Variants in SLC38A4 observed in about 807,000 individuals in gnomAD.
SLC38A4 encodes the protein solute carrier family 38 member 4.
A neutral mutation model predicts 63.1 loss-of-function variants in SLC38A4; 20 were observed. The ratio of observed to expected loss-of-function variants is 0.32; its 90% CI spans 0.22 to 0.46. SLC38A4 has a LOEUF of 0.46. Ranked by LOEUF, SLC38A4 falls within the 20% of genes least tolerant of loss-of-function variation. The pLI is 1.00. For missense variants in SLC38A4, 526 were observed against 663.6 expected (o/e 0.79, Z 2.28); for synonymous variants, 230 against 225.5 (o/e 1.02, Z -0.18).
intron 3 of SLC38A4, among the ~76,000 whole-genome samples, chr12:46,792,354 T>A (rs944687819): frequency 6.6e-6 from 1 of 152,080 alleles, no homozygotes; most frequent in Non-Finnish European, 1.5e-5. Context: ...TGCTACATGA[T>A]AGCAGTGATT....
chr12:46,795,049 C>G (rs1398188585), intron 2 of SLC38A4, among the ~76,000 whole-genome samples: 1 of 151,784 alleles, frequency 6.6e-6, no homozygotes, highest in Non-Finnish European at 1.5e-5. Context: ...TCACACAGTA[C>G]CAGTCTCACT....
chr12:46,824,094 A>G (rs2120929776), intron 1 of SLC38A4, among the ~76,000 whole-genome samples: 1 of 152,096 alleles, frequency 6.6e-6, no homozygotes, highest in Non-Finnish European at 1.5e-5. Flanking sequence ...CCCAATAGCT[A>G]CTCACTGTCA....
chr12:46,789,304 C>A (rs563621193), intron 3 of SLC38A4, among the ~76,000 whole-genome samples: 6 of 151,396 alleles, frequency 4.0e-5, no homozygotes, highest in African/African-American at 1.5e-4. Flanking sequence ...TCTGTGTGTG[C>A]GTATGTGTTT....
chr12:46,813,557 C>G (rs1939380444), intron 1 of SLC38A4, among the ~76,000 whole-genome samples: 1 of 152,010 alleles, frequency 6.6e-6, no homozygotes, highest in African/African-American at 2.4e-5. Flanking sequence ...GTCTGTGCCT[C>G]TTGCAAGCCT....
chr12:46,806,497 G>A (rs1440982873), intron 1 of SLC38A4, among the ~76,000 whole-genome samples: 1 of 151,954 alleles, frequency 6.6e-6, no homozygotes, highest in African/African-American at 2.4e-5. Flanking sequence ...TTTGGGTTTG[G>A]TGATGTTTGC....
upstream of SLC38A4, among the ~76,000 whole-genome samples, chr12:46,830,296 T>TCACA (rs1383380116): frequency 5.7e-4 from 68 of 119,014 alleles, no homozygotes; most frequent in South Asian, 9.7e-4. Context: ...TCTCTCTCTC[T>TCACA]CTCACACACA....
intron 1 of SLC38A4, among the ~76,000 whole-genome samples, chr12:46,815,586 TG>T (rs1414529719): frequency 6.6e-6 from 1 of 151,804 alleles, no homozygotes; most frequent in Non-Finnish European, 1.5e-5. Context: ...TGTTGTTGGC[TG>T]TATATTTTTA....
chr12:46,769,293 C>G lies in SLC38A4; in HGVS notation c.1435G>C (p.Gly479Arg). 6.2e-7 allele frequency: 1 copy of G among 1,612,880 alleles called. No individual in the cohort carries two copies. The highest frequency in any genetic ancestry group is 8.5e-7 in the Non-Finnish European group (1 of 1,179,284). Residue 479 changes from glycine (G) to arginine (R), a missense_variant, in exon 15 of 17, where the codon GGA becomes CGA. Physicochemically the swap from Gly to Arg is moderately radical, Grantham distance 125. Transcript: ENST00000266579. ...ILVPTIKYIF[G>R]FIGASSATML... ...CCTTTCTGAAACTCACCTATGAATC[C>G]GAAGATGTATTTTATAGTTGGCACA...
chr12:46,794,930 T>C (rs932134097), intron 2 of SLC38A4, among the ~76,000 whole-genome samples: 1 of 150,418 alleles, frequency 6.6e-6, no homozygotes, highest in Non-Finnish European at 1.5e-5. Flanking sequence ...ACATAAAAGA[T>C]GAAAAGAAGC....
chr12:46,793,186 G>A lies in SLC38A4; in HGVS notation c.-112-3C>T. On this transcript the variant is annotated splice_region_variant and splice_polypyrimidine_tract_variant and intron_variant, in intron 2 of 16. Transcript: ENST00000266579. ...GTTGATGTTCAGAACACTCTGTTCT[G>A]CAAACAGAACACAACATACATCATT... 2 of 701,738 alleles carry A rather than the reference G, an allele frequency of 2.9e-6. No individual in the cohort carries two copies. The highest frequency in any genetic ancestry group is 2.2e-5 in the Admixed American group (1 of 46,408). 43.5% of individuals were successfully genotyped at this position (701,738 alleles called of 1,614,324 possible). A position where few individuals can be genotyped will look rare whatever the true frequency, so the allele number is the denominator to read the frequency against.
intron 3 of SLC38A4, among the ~76,000 whole-genome samples, chr12:46,791,735 C>T (rs17602430): frequency 0.065 from 9,899 of 152,064 alleles, 372 homozygotes; most frequent in South Asian, 0.14. Context: ...GTAGTAGTGG[C>T]GTAATTAACA....
At chr12:46,791,486 T>C (rs1938887859) in intron 3 of SLC38A4, among the ~76,000 whole-genome samples, 1 of 152,192 alleles carries the variant, frequency 6.6e-6, no homozygotes, top group South Asian at 2.1e-4. Context: ...GGAAGAACGG[T>C]AGTTTCTCCT....
At chr12:46,807,308 T>A (rs1939252960) in intron 1 of SLC38A4, among the ~76,000 whole-genome samples, 1 of 152,050 alleles carries the variant, frequency 6.6e-6, no homozygotes, top group South Asian at 2.1e-4. Flanking sequence ...TTTTAACTTT[T>A]CTATACAACA....
At chr12:46,779,450 G>T (rs1938595093) in intron 10 of SLC38A4, among the ~76,000 whole-genome samples, 161 bp downstream of exon 10, 1 of 151,838 alleles carries the variant, frequency 6.6e-6, no homozygotes, top group African/African-American at 2.4e-5. Flanking sequence ...TTAAATCGTA[G>T]CTGCTCTTTT....
chr12:46,787,778 G>T, intron 5 of SLC38A4, 138 bp downstream of exon 5: 1 of 587,314 alleles, frequency 1.7e-6, no homozygotes, highest in Non-Finnish European at 3.0e-6. Context: ...GGTTAGGGAT[G>T]GTTGGGTGAC....
chr12:46,765,165 A>T lies in SLC38A4; in HGVS notation c.*1536T>A, dbSNP rs151023371. 1,154 of 153,322 alleles carry T rather than the reference A, an allele frequency of 7.5e-3. 5 individuals are homozygous for T. Among genetic ancestry groups the T allele is most frequent in the South Asian group, 0.016 (76 of 4,892 alleles). 9.5% of individuals were successfully genotyped at this position (153,322 alleles called of 1,614,324 possible). Reference sequence around the variant, plus strand: ...ATACTTGTACTTCATAATTGGCTTTACTAAAATATAAAATACACAAGTGAT... The same window carrying T: ...ATACTTGTACTTCATAATTGGCTTTTCTAAAATATAAAATACACAAGTGAT... On this transcript the variant is annotated 3_prime_UTR_variant, in exon 17 of 17. Transcript: ENST00000266579.
At chr12:46,783,446 A>G (rs553664051) in intron 7 of SLC38A4, among the ~76,000 whole-genome samples, 4 of 152,170 alleles carry the variant, frequency 2.6e-5, no homozygotes, top group East Asian at 3.9e-4. Context: ...AATTTGAGAA[A>G]GTTTATCTGG....
At chr12:46,798,395 C>T (rs761160576) in intron 2 of SLC38A4, among the ~76,000 whole-genome samples, 1 of 152,152 alleles carries the variant, frequency 6.6e-6, no homozygotes, top group Non-Finnish European at 1.5e-5. Context: ...CATCTCAGGT[C>T]ATTTGCACAT....
chr12:46,801,419 G>T (rs946537964), intron 2 of SLC38A4, among the ~76,000 whole-genome samples: 3 of 152,034 alleles, frequency 2.0e-5, no homozygotes, highest in Admixed American at 6.6e-5. Context: ...AGAAGCAAAA[G>T]TTCTGACCTT....
Sources: gnomAD v4.1 joint callset for allele counts (sites outside exome capture counted in the v4.1 genomes callset) on GRCh38, gnomAD v4.1.1 for gene constraint, MANE v1.5 for transcripts, NCBI Gene and HGNC (gene_info 2026-07-23, HGNC 2026-07-21) for gene names.